The following PHLDB2 variants were observed in gnomAD, a reference collection of about 807,000 sequenced individuals.
PHLDB2 encodes pleckstrin homology like domain family B member 2, also known as pleckstrin homology-like domain family B member 2.
A neutral mutation model predicts 123.6 loss-of-function variants in PHLDB2; 71 were observed. That is an observed-to-expected ratio of 0.57 (90% confidence interval 0.47 to 0.70). The LOEUF is 0.70. Among genes scored for constraint, PHLDB2 ranks in the 30% least tolerant of loss-of-function variants. PHLDB2 has a pLI of 0.00. For synonymous variants in PHLDB2, 547 were observed against 541.6 expected (o/e 1.01, Z -0.14); for missense variants, 1,446 against 1,519.5 (o/e 0.95, Z 0.80).
chr3:111,780,388 GAAGAAGAAGAAGAAGAAGAAGAAA>G lies in PHLDB2; in HGVS notation c.-49+47690_-49+47713del, dbSNP rs2060401098. Among the ~76,000 whole-genome samples the G allele has an allele frequency of 1.7e-4, 8 of 48,290 alleles. 1 individual carries two copies. Among genetic ancestry groups the G allele is most frequent in the African/African-American group, 3.5e-4 (8 of 22,702 alleles). The allele number at this position is 48,290 out of a possible 152,430, so 31.7% of individuals were successfully genotyped here. A position where few individuals can be genotyped will look rare whatever the true frequency, so the allele number is the denominator to read the frequency against. ...AGAAGAAGAAGAAGAAGAAGAAGAA[GAAGAAGAAGAAGAAGAAGAAGAAA>G]AAGATTAGTTCGGCCCAACTTTCTG... On this transcript the variant is annotated intron_variant, in intron 1 of 17. Coordinates refer to the PHLDB2 transcript ENST00000393923.
chr3:111,818,852 T>C (rs1269335372), intron 1 of PHLDB2, among the ~76,000 whole-genome samples: 1 of 151,974 alleles, frequency 6.6e-6, no homozygotes, highest in East Asian at 1.9e-4. Context: ...CTCCTCAAGG[T>C]TGGTTTCATT....
At chr3:111,946,411 C>G (rs756322872) in intron 9 of PHLDB2, among the ~76,000 whole-genome samples, 7 of 152,074 alleles carry the variant, frequency 4.6e-5, no homozygotes, top group Non-Finnish European at 7.4e-5. Context: ...CAAAAAAAAC[C>G]CTTTAGACAG....
In PHLDB2 at chr3:111,808,492, G is replaced by GT. The variant is rs35656564; in HGVS notation, c.-48-37316dup. ...CTGGGTGTTTAAACATATATTCTGG[G>GT]TTTTTTTTTTTTTCATCTTTTATTT... On this transcript the variant is annotated intron_variant, in intron 1 of 17. Coordinates refer to the PHLDB2 transcript ENST00000393923. Among the ~76,000 whole-genome samples the GT allele has an allele frequency of 7.9e-3, 1,154 of 146,676 alleles. 14 individuals are homozygous for GT. The highest frequency in any genetic ancestry group is 0.047 in the East Asian group (241 of 5,078).
intron 1 of PHLDB2, among the ~76,000 whole-genome samples, chr3:111,834,572 C>A (rs2063315059): frequency 6.6e-6 from 1 of 151,650 alleles, no homozygotes; most frequent in Non-Finnish European, 1.5e-5. Flanking sequence ...TGTGTTATCA[C>A]AAACAAGGAT....
At chr3:111,831,431 A>G (rs1034057438) in intron 1 of PHLDB2, among the ~76,000 whole-genome samples, 2 of 144,894 alleles carry the variant, frequency 1.4e-5, no homozygotes, top group African/African-American at 5.6e-5. Context: ...CCATGAGCAC[A>G]TTTGTAGGGA....
At chr3:111,854,458 G>C (rs745699600), upstream of PHLDB2, among the ~76,000 whole-genome samples, 2 of 152,120 alleles carry the variant, frequency 1.3e-5, no homozygotes, top group Non-Finnish European at 2.9e-5. Context: ...ATATTAAAGC[G>C]AACTTCAGCA....
In PHLDB2 at chr3:111,974,434, G is replaced by T. The variant is rs758180908; in HGVS notation, c.3633G>T (p.Pro1211=). 2 of 1,601,852 alleles carry T rather than the reference G, an allele frequency of 1.2e-6. No individual in the cohort carries two copies. The highest frequency in any genetic ancestry group is 1.7e-6 in the Non-Finnish European group (2 of 1,174,474). Residue 1211 remains proline, a synonymous_variant, in exon 18 of 18, where the codon CCG becomes CCT. Coordinates refer to ENST00000431670, the MANE Select transcript of PHLDB2 (RefSeq NM_001134438.2). Reference sequence around the variant, plus strand: ...TTTTTGAATTTTAGAGTCCTAATCCGTTACTCACCTTTAGCGTCAAGACTC... The same window carrying T: ...TTTTTGAATTTTAGAGTCCTAATCCTTTACTCACCTTTAGCGTCAAGACTC... ...HLKNANKSPN[P]LLTFSVKTHD...
intron 1 of PHLDB2, among the ~76,000 whole-genome samples, chr3:111,818,697 A>C (rs1263079330): frequency 1.3e-5 from 2 of 152,132 alleles, no homozygotes; most frequent in African/African-American, 4.8e-5. Flanking sequence ...GGGCTTTAAA[A>C]TTTCAGCTCT....
chr3:111,857,001 G>C (rs1327415846), upstream of PHLDB2, among the ~76,000 whole-genome samples: 2 of 152,156 alleles, frequency 1.3e-5, no homozygotes, highest in Admixed American at 1.3e-4. Flanking sequence ...CATTGAACAG[G>C]GTCTTGAAGG....
intron 1 of PHLDB2, among the ~76,000 whole-genome samples, chr3:111,733,973 T>C (rs992592634): frequency 6.6e-6 from 1 of 152,212 alleles, no homozygotes; most frequent in Admixed American, 6.5e-5. Context: ...ACATTATTTT[T>C]GTCAATCAGT....
intron 1 of PHLDB2, among the ~76,000 whole-genome samples, chr3:111,797,972 A>C (rs980477101): frequency 1.3e-5 from 2 of 152,160 alleles, no homozygotes; most frequent in Non-Finnish European, 2.9e-5. Flanking sequence ...ATCTCTATAA[A>C]AACATAAGAA....
intron 1 of PHLDB2, among the ~76,000 whole-genome samples, chr3:111,761,183 C>CAAAAAAAAAAAAAAAAAAAA (rs60999461): frequency 9.0e-6 from 1 of 111,332 alleles, no homozygotes. Context: ...GACTCCATCT[C>CAAAAAAAAAAAAAAAAAAAA]AAAAAAAAAA....
At chr3:111,871,370 G>C (rs1344424132) in intron 1 of PHLDB2, among the ~76,000 whole-genome samples, 1 of 152,128 alleles carries the variant, frequency 6.6e-6, no homozygotes, top group Non-Finnish European at 1.5e-5. Flanking sequence ...TTCTTGGCCC[G>C]GCATGGTGGC....
intron 1 of PHLDB2, among the ~76,000 whole-genome samples, chr3:111,828,879 C>T (rs2062799352): frequency 6.6e-6 from 1 of 152,124 alleles, no homozygotes. Context: ...CTATTGAGTC[C>T]CTGCCAAATG....
chr3:111,832,559 A>G (rs2063100925), intron 1 of PHLDB2, among the ~76,000 whole-genome samples: 1 of 147,392 alleles, frequency 6.8e-6, no homozygotes. Context: ...ATCATATGGC[A>G]TTATATATAT....
intron 2 of PHLDB2, among the ~76,000 whole-genome samples, chr3:111,909,472 C>T (rs1254540961): frequency 2.4e-4 from 36 of 152,124 alleles, no homozygotes. Flanking sequence ...GTTTGCATGC[C>T]TGGAGTCCCC....
intron 2 of PHLDB2, among the ~76,000 whole-genome samples, chr3:111,900,453 C>T (rs1327494319): frequency 1.3e-5 from 2 of 152,078 alleles, no homozygotes; most frequent in African/African-American, 2.4e-5. Context: ...GGCCTAATTT[C>T]AATATTGTGT....
At chr3:111,780,565 A>C (rs1417464045) in intron 1 of PHLDB2, among the ~76,000 whole-genome samples, 1 of 151,784 alleles carries the variant, frequency 6.6e-6, no homozygotes, top group African/African-American at 2.4e-5. Context: ...TGTTTTCTTT[A>C]TAAATGTTGG....
chr3:111,953,994 T>C lies in PHLDB2; in HGVS notation c.2837T>C (p.Met946Thr). Residue 946 changes from methionine to threonine, a missense_variant, in exon 12 of 18, where the codon ATG (methionine) becomes ACG (threonine). By Grantham distance (81) the Met-to-Thr change is moderately conservative. This residue lies in a region of PHLDB2 where 594 missense variants were observed against 646.0 expected (regional missense o/e 0.92). Coordinates refer to ENST00000431670, the MANE Select transcript of PHLDB2 (RefSeq NM_001134438.2). ...GTGCTCCCTCCCTCACTGGCAGCCA[T>C]GGCCAAAGACTCAGAATCTCGGAGG... ...GSVLPPSLAAMAKDSESRRML... is the reference protein window; with the variant it reads ...GSVLPPSLAATAKDSESRRML... The C allele has an allele frequency of 1.9e-6, 3 of 1,613,658 alleles. No individual in the cohort carries two copies. Among genetic ancestry groups the C allele is most frequent in the Non-Finnish European group, 2.5e-6 (3 of 1,179,766 alleles).
Sources: allele counts gnomAD v4.1 joint callset (sites outside exome capture counted in the v4.1 genomes callset), GRCh38; gene constraint gnomAD v4.1.1; regional missense constraint gnomAD v4.1.1; transcripts MANE v1.5; gene names NCBI Gene and HGNC (gene_info 2026-07-23, HGNC 2026-07-21).